DSC3: variants seen among roughly 807,000 people sequenced by gnomAD.
DSC3 encodes desmocollin 3.
A neutral mutation model predicts 89.5 loss-of-function variants in DSC3; 97 were observed. That is an observed-to-expected ratio of 1.08 (90% CI 0.92 to 1.28). DSC3 has a LOEUF of 1.28. DSC3 is among the 50% of genes most tolerant of loss of function. The probability of loss-of-function intolerance (pLI) is 0.00; values close to 1 mark genes in which losing one functional copy is unlikely to be tolerated. For synonymous variants in DSC3, 436 were observed against 384.1 expected (o/e 1.14, Z -1.58); for missense variants, 1,199 against 1,085.3 (o/e 1.10, Z -1.47).
At position 31,025,873 on chromosome 18, in the gene DSC3, T is replaced by C. The variant is rs200450694; in HGVS notation, c.517A>G (p.Ile173Val). 2.5e-6 allele frequency: 4 copies of C among 1,613,164 alleles called. No homozygotes were observed. In the Admixed American group the frequency reaches 5.0e-5, roughly 20 times the overall value. Residue 173 changes from isoleucine to valine, a missense_variant, in exon 5 of 16, where the codon ATA becomes GTA. Transcript: ENST00000360428. ...AAQNYTVFYS[I>V]SGRGVDKEPL... ...TCTTTATCAACTCCACGTCCACTTA[T>C]TGAGTAGAAGACAGTATAGTTCTGT...
In DSC3 at chr18:31,032,204, T is replaced by C; in HGVS notation, c.142A>G (p.Ile48Val). 1 of 1,612,864 alleles carries C rather than the reference T, an allele frequency of 6.2e-7. No homozygotes were observed. Among genetic ancestry groups the C allele is most frequent in the Non-Finnish European group, 8.5e-7 (1 of 1,178,850 alleles). Residue 48 changes from isoleucine to valine, a missense_variant, in exon 2 of 16, where the codon ATA becomes GTA. Physicochemically the swap from Ile to Val is conservative, Grantham distance 29 (BLOSUM62 3). Coordinates refer to ENST00000360428, the MANE Select transcript of DSC3 (RefSeq NM_001941.5). ...NVPSKLEADKIIGRVNLEECF... is the reference protein window; with the variant it reads ...NVPSKLEADKVIGRVNLEECF... ...TAAAATTTCTCACCTCTGCCAATTA[T>C]TTTGTCTGCCTCTAGTTTAGAAGGT...
intron 1 of DSC3, among the ~76,000 whole-genome samples, chr18:31,034,784 T>C (rs1428774066): frequency 6.6e-6 from 1 of 152,180 alleles, no homozygotes. Context: ...TAGGTAAATA[T>C]ACAGGAACAA....
In DSC3 at chr18:30,994,168, T is replaced by A. The variant is rs1307139634; in HGVS notation, c.*7A>T. 6.2e-7 allele frequency: 1 copy of A among 1,613,236 alleles called. No homozygotes were observed. The highest frequency in any genetic ancestry group is 8.5e-7 in the Non-Finnish European group (1 of 1,179,206). ...TCTGACAAAGACCTAATTGTAGCACTGTGACATTATCTCTTTGTGCATGCT... is the reference window on the plus strand; with the variant it reads ...TCTGACAAAGACCTAATTGTAGCACAGTGACATTATCTCTTTGTGCATGCT... On this transcript the variant is annotated 3_prime_UTR_variant, in exon 16 of 16. Transcript: ENST00000360428.
intron 4 of DSC3, 146 bp from the exon 5 acceptor site, chr18:31,026,061 G>T (rs1450770700): frequency 2.4e-6 from 2 of 832,988 alleles, no homozygotes; most frequent in African/African-American, 3.5e-5. Flanking sequence ...TTGTTGGCAA[G>T]AGTAAGGCAA....
intron 13 of DSC3, among the ~76,000 whole-genome samples, chr18:31,003,344 A>AT (rs946223593): frequency 6.6e-6 from 1 of 151,752 alleles, no homozygotes; most frequent in African/African-American, 2.4e-5. Flanking sequence ...GTCTTTCCCT[A>AT]TTTTTCCTAA....
intron 14 of DSC3, 132 bp downstream of exon 14, chr18:31,001,484 GAC>G: frequency 2.0e-6 from 2 of 997,720 alleles, no homozygotes; most frequent in Admixed American, 5.1e-5. Flanking sequence ...TATGAATATT[GAC>G]AGACAATATC....
At position 30,991,276 on chromosome 18, in the gene DSC3, A is replaced by G. The variant is rs1327566614; in HGVS notation, c.*2899T>C. The G allele has an allele frequency of 1.3e-5, 2 of 152,648 alleles. No individual in the cohort carries two copies. Among genetic ancestry groups the G allele is most frequent in the Non-Finnish European group, 2.9e-5 (2 of 68,032 alleles). 9.5% of individuals were successfully genotyped at this position (152,648 alleles called of 1,614,324 possible). ...ATAAAAGTAAGAAAAAACATTCTGTATATTTACATAAAAAATTCTAAATCA... is the reference window on the plus strand; with the variant it reads ...ATAAAAGTAAGAAAAAACATTCTGTGTATTTACATAAAAAATTCTAAATCA... On this transcript the variant is annotated 3_prime_UTR_variant, in exon 16 of 16. Coordinates refer to ENST00000360428, the MANE Select transcript of DSC3 (RefSeq NM_001941.5).
Position 30,995,996 on chromosome 18 carries a change from A to AAAAAGAAAG in DSC3, c.2493+794_2493+795insCTTTCTTTT, listed in dbSNP as rs1555631968. On this transcript the variant is annotated intron_variant, in intron 15 of 15. Coordinates refer to ENST00000360428, the MANE Select transcript of DSC3 (RefSeq NM_001941.5). ...TAAAAAAAAAAAAAAAAAAAAAAAA[A>AAAAAGAAAG]AAAGAAAAGAAAGAAAAAAGCTTCT... Among the ~76,000 whole-genome samples, 11 of 136,474 alleles carry AAAAAGAAAG rather than the reference A, an allele frequency of 8.1e-5. 1 individual carries two copies. Among genetic ancestry groups the AAAAAGAAAG allele is most frequent in the East Asian group, 2.2e-4 (1 of 4,568 alleles). 89.5% of individuals were successfully genotyped at this position (136,474 alleles called of 152,430 possible).
intron 9 of DSC3, among the ~76,000 whole-genome samples, chr18:31,015,473 A>G (rs1985205148): frequency 1.3e-5 from 2 of 152,370 alleles, no homozygotes; most frequent in Admixed American, 1.3e-4. Flanking sequence ...CTCATTGATT[A>G]GGCCTTTTTA....
At position 30,994,085 on chromosome 18, in the gene DSC3, A is replaced by T. The variant is rs1377209493; in HGVS notation, c.*90T>A. The T allele has an allele frequency of 1.6e-6, 2 of 1,233,692 alleles. No individual in the cohort carries two copies. The highest frequency in any genetic ancestry group is 2.4e-5 in the East Asian group (1 of 41,298). 76.4% of individuals were successfully genotyped at this position (1,233,692 alleles called of 1,614,324 possible). On this transcript the variant is annotated 3_prime_UTR_variant, in exon 16 of 16. Coordinates refer to ENST00000360428, the MANE Select transcript of DSC3 (RefSeq NM_001941.5). ...ATTCAAAATTGAGAAAAAAATCATC[A>T]TATACATACATGTTGAAATTGAACT...
In DSC3 at chr18:30,993,724, T is replaced by C. The variant is rs1984353235; in HGVS notation, c.*451A>G. ...GGGTGAGTCCCAATTCTTTATGAGC[T>C]GCAACATTTTTAATTTAATTCAGTC... On this transcript the variant is annotated 3_prime_UTR_variant, in exon 16 of 16. Coordinates refer to ENST00000360428, the MANE Select transcript of DSC3 (RefSeq NM_001941.5). The C allele has an allele frequency of 1.8e-5, 3 of 169,814 alleles. No homozygotes were observed. The highest frequency in any genetic ancestry group is 3.8e-5 in the Non-Finnish European group (3 of 78,872). The allele number at this position is 169,814 out of a possible 1,614,324, so 10.5% of individuals were successfully genotyped here. A position where few individuals can be genotyped will look rare whatever the true frequency, so the allele number is the denominator to read the frequency against.
rs1278750304 is a variant in DSC3, at chr18:31,007,957, T to A, written c.1663+59A>T. On this transcript the variant is annotated intron_variant, in intron 11 of 15. Transcript: ENST00000360428. Reference sequence around the variant, plus strand: ...CCACCAAAATAAATCTGCATAAGAATAATTACATTTTATTCTCTAATTCCT... The same window carrying A: ...CCACCAAAATAAATCTGCATAAGAAAAATTACATTTTATTCTCTAATTCCT... 5 of 1,456,036 alleles carry A rather than the reference T, an allele frequency of 3.4e-6. No homozygotes were observed. The Admixed American group carries it at 5.3e-5, about 15-fold the overall frequency. The allele number at this position is 1,456,036 out of a possible 1,614,324, so 90.2% of individuals were successfully genotyped here. A position where few individuals can be genotyped will look rare whatever the true frequency, so the allele number is the denominator to read the frequency against.
intron 12 of DSC3, among the ~76,000 whole-genome samples, chr18:31,005,406 T>A (rs144390493): frequency 1.3e-5 from 2 of 152,178 alleles, no homozygotes; most frequent in African/African-American, 4.8e-5. Context: ...CTTTAAAAGA[T>A]GTAAATCTGG....
rs1260720 is a variant in DSC3, at chr18:30,990,163, G to C, written c.*4012C>G. 6.6e-6 allele frequency: 1 copy of C among 151,456 alleles called. No individual in the cohort carries two copies. Among genetic ancestry groups the C allele is most frequent in the Non-Finnish European group, 1.5e-5 (1 of 67,806 alleles). The allele number at this position is 151,456 out of a possible 1,614,324, so 9.4% of individuals were successfully genotyped here. On this transcript the variant is annotated 3_prime_UTR_variant, in exon 16 of 16. Coordinates refer to ENST00000360428, the MANE Select transcript of DSC3 (RefSeq NM_001941.5). ...CAGTGTTCTATGTACTTTAGGTATA[G>C]TAACTCATTTAATCATTCAACAACC...
At chr18:31,003,719 T>C (rs1324764635) in intron 13 of DSC3, among the ~76,000 whole-genome samples, 4 of 152,130 alleles carry the variant, frequency 2.6e-5, no homozygotes, top group Non-Finnish European at 5.9e-5. Context: ...TGGCAAGATA[T>C]ACCCAAGAAG....
intron 1 of DSC3, among the ~76,000 whole-genome samples, chr18:31,032,781 G>C (rs1239328800): frequency 6.6e-6 from 1 of 151,988 alleles, no homozygotes; most frequent in Non-Finnish European, 1.5e-5. Context: ...TTTTTAGTAG[G>C]GATGGGGTTT....
In DSC3 at chr18:31,006,087, A is replaced by G. The variant is rs187925875; in HGVS notation, c.1888+820T>C. Among the ~76,000 whole-genome samples the G allele has an allele frequency of 1.6e-4, 24 of 152,274 alleles. No individual in the cohort carries two copies. In the East Asian group the frequency reaches 4.4e-3, roughly 28 times the overall value. On this transcript the variant is annotated intron_variant, in intron 12 of 15. Transcript: ENST00000360428. ...TAACAACAGAATGAAGTATGGATGA[A>G]GTACAGAACATGACAGCCCCCAGAA... is the stretch of plus-strand genomic sequence containing the variant.
chr18:30,995,807 A>G (rs963775308), intron 15 of DSC3, among the ~76,000 whole-genome samples: 3 of 151,774 alleles, frequency 2.0e-5, no homozygotes, highest in Non-Finnish European at 4.4e-5. Flanking sequence ...CACCTTCTCC[A>G]CAAAAAATAC....
At chr18:31,027,523 A>G (rs184203505) in intron 4 of DSC3, among the ~76,000 whole-genome samples, 3 of 116,286 alleles carry the variant, frequency 2.6e-5, no homozygotes, top group Admixed American at 8.1e-5. Context: ...CTGCAATAGC[A>G]TATGTACTAC....
Sources: gnomAD v4.1 joint callset for allele counts (sites outside exome capture counted in the v4.1 genomes callset) on GRCh38, gnomAD v4.1.1 for gene constraint, MANE v1.5 for transcripts, NCBI Gene and HGNC (gene_info 2026-07-23, HGNC 2026-07-21) for gene names.